Variants in TRMT11 observed in about 807,000 individuals in gnomAD.
The protein encoded by TRMT11 is tRNA (guanine(10)-N(2))-methyltransferase TRMT11.
Under a neutral mutation model 62.8 loss-of-function variants are expected in TRMT11, and 53 were observed. The ratio of observed to expected loss-of-function variants is 0.84; its 90% CI spans 0.68 to 1.06. The LOEUF is 1.06. Ranked by LOEUF, TRMT11 falls within the 50% of genes least tolerant of loss-of-function variation. The pLI is 0.00. For missense variants in TRMT11, 556 were observed against 553.4 expected, an observed-to-expected ratio of 1.00 and a Z score of -0.05; for synonymous variants, 188 against 190.3, an observed-to-expected ratio of 0.99 and a Z score of 0.10.
At chr6:126,151,775 C>CTTTCTTT (rs1385718391) in intron 21 of TRMT11, among the ~76,000 whole-genome samples, 3 of 131,412 alleles carry the variant, frequency 2.3e-5, no homozygotes, top group African/African-American at 8.9e-5. Flanking sequence ...CCCTTCCTTT[C>CTTTCTTT]ACCCTTTTCC....
chr6:126,093,941 C>T (rs1387504322), intron 17 of TRMT11, among the ~76,000 whole-genome samples: 1 of 152,022 alleles, frequency 6.6e-6, no homozygotes, highest in East Asian at 1.9e-4. Context: ...TACTCAGCTT[C>T]AGAGCTTTTC....
chr6:126,258,076 C>T, the TRMT11 span: 16 of 1,099,398 alleles, frequency 1.5e-5, no homozygotes, highest in East Asian at 4.8e-5. Context: ...AGTTCATCCA[C>T]GTCAATCTCC....
intron 17 of TRMT11, among the ~76,000 whole-genome samples, chr6:126,060,911 A>G (rs1206520299): frequency 6.6e-6 from 1 of 152,238 alleles, no homozygotes; most frequent in East Asian, 1.9e-4. Flanking sequence ...GCTCAGGGAT[A>G]TGGGATCACT....
chr6:126,170,628 G>A (rs1778319531), intron 21 of TRMT11, among the ~76,000 whole-genome samples: 1 of 151,984 alleles, frequency 6.6e-6, no homozygotes, highest in Non-Finnish European at 1.5e-5. Context: ...CTGTGAGCTC[G>A]CCAGAACTGT....
At chr6:126,108,894 A>G (rs1274048128) in intron 17 of TRMT11, among the ~76,000 whole-genome samples, 1 of 151,758 alleles carries the variant, frequency 6.6e-6, no homozygotes, top group Non-Finnish European at 1.5e-5. Flanking sequence ...TGAAAAGGAC[A>G]CTCTTCTACT....
intron 21 of TRMT11, among the ~76,000 whole-genome samples, chr6:126,151,805 CTT>C (rs1491442970): frequency 1.8e-5 from 1 of 54,574 alleles, no homozygotes; most frequent in African/African-American, 8.6e-5. Flanking sequence ...TCCTCTCTGT[CTT>C]TTCTTTCTTT....
At chr6:126,042,364 C>T (rs1033065527), downstream of TRMT11, among the ~76,000 whole-genome samples, 10 of 152,180 alleles carry the variant, frequency 6.6e-5, no homozygotes, top group Non-Finnish European at 1.3e-4. Context: ...GGCTCTTATC[C>T]CTTCCTTTAT....
intron 17 of TRMT11, among the ~76,000 whole-genome samples, chr6:126,059,732 A>G (rs150160653): frequency 1.3e-5 from 2 of 152,174 alleles, no homozygotes; most frequent in African/African-American, 4.8e-5. Flanking sequence ...TATCTGACTG[A>G]TGAGATCTGT....
At chr6:126,013,134 T>C in intron 11 of TRMT11, 33 bp downstream of exon 11, 1 of 1,577,356 alleles carries the variant, frequency 6.3e-7, no homozygotes, top group Non-Finnish European at 8.6e-7. Flanking sequence ...TTAATTTCAT[T>C]TTTCTTACAA....
At chr6:126,132,233 G>A (rs1777793877) in intron 21 of TRMT11, among the ~76,000 whole-genome samples, 2 of 152,046 alleles carry the variant, frequency 1.3e-5, no homozygotes, top group African/African-American at 4.8e-5. Flanking sequence ...ATGTGTATGA[G>A]GTGGCAACAA....
intron 21 of TRMT11, among the ~76,000 whole-genome samples, chr6:126,144,678 C>A (rs1777955164): frequency 1.3e-5 from 2 of 152,150 alleles, no homozygotes; most frequent in South Asian, 4.1e-4. Context: ...CTCTGCTTCC[C>A]TGTTGCCCAT....
intron 21 of TRMT11, among the ~76,000 whole-genome samples, chr6:126,127,012 T>C (rs1316305330): frequency 6.6e-6 from 1 of 152,142 alleles, no homozygotes; most frequent in Non-Finnish European, 1.5e-5. Context: ...TCAAGAGATA[T>C]ACACTCAACA....
At chr6:126,093,604 TA>T (rs1562321328) in intron 17 of TRMT11, among the ~76,000 whole-genome samples, 4 of 87,380 alleles carry the variant, frequency 4.6e-5, no homozygotes, top group African/African-American at 2.8e-4. Flanking sequence ...TATATATATA[TA>T]TATATATATA....
At chr6:126,066,903 A>C (rs1267463143) in intron 17 of TRMT11, among the ~76,000 whole-genome samples, 5 of 150,446 alleles carry the variant, frequency 3.3e-5, no homozygotes, top group Admixed American at 3.3e-4. Flanking sequence ...TGGGCAACTG[A>C]CCAACTTCAT....
the TRMT11 span, among the ~76,000 whole-genome samples, chr6:126,229,115 C>T: frequency 7.2e-5 from 11 of 152,054 alleles, no homozygotes; most frequent in South Asian, 2.3e-3. Flanking sequence ...TTTCTGTGTT[C>T]TCTGATGTTA....
At chr6:126,064,741 G>A (rs1462099562) in intron 17 of TRMT11, among the ~76,000 whole-genome samples, 1 of 152,200 alleles carries the variant, frequency 6.6e-6, no homozygotes, top group Non-Finnish European at 1.5e-5. Flanking sequence ...CATTGAAAAG[G>A]AAGGAGACAG....
intron 21 of TRMT11, among the ~76,000 whole-genome samples, chr6:126,151,863 TTTCC>T (rs1554242267): frequency 2.4e-5 from 3 of 126,326 alleles, no homozygotes; most frequent in African/African-American, 1.0e-4. Context: ...TCTTTCTTTC[TTTCC>T]TTCTTTCTCC....
rs768250023 is a variant in TRMT11 at position 125,998,288 on chromosome 6, A to C, written c.360A>C (p.Thr120=). ...TTCACACTTTTAATAAGACATTGAC[A>C]CAAGAAGAGAAAATCAAGCGAATAG... is the stretch of plus-strand genomic sequence containing the variant. ...IKIHTFNKTL[T]QEEKIKRIDA... is the part of the protein sequence containing the mutation. Residue 120 remains threonine (T), a synonymous_variant, in exon 5 of 13, where the codon ACA becomes ACC. Coordinates refer to ENST00000334379, the MANE Select transcript of TRMT11 (RefSeq NM_001031712.3). 1 of 1,600,354 alleles carries C rather than the reference A, an allele frequency of 6.2e-7. No individual in the cohort carries two copies. The highest frequency in any genetic ancestry group is 1.1e-5 in the South Asian group (1 of 90,274).
intron 21 of TRMT11, among the ~76,000 whole-genome samples, chr6:126,156,948 G>A (rs576406684): frequency 6.6e-6 from 1 of 152,264 alleles, no homozygotes; most frequent in African/African-American, 2.4e-5. Context: ...CTCAGCGGTG[G>A]AATCTGCCTC....
Sources: gnomAD v4.1 joint callset for allele counts (sites outside exome capture counted in the v4.1 genomes callset) on GRCh38, gnomAD v4.1.1 for gene constraint, MANE v1.5 for transcripts, NCBI Gene and HGNC (gene_info 2026-07-23, HGNC 2026-07-21) for gene names.